The following AXIN2 variants were observed in gnomAD, a reference collection of about 807,000 sequenced individuals.
AXIN2 encodes axin 2.
In AXIN2, 21 loss-of-function variants were observed where a neutral mutation model predicts 74.7. That is an observed-to-expected ratio of 0.28 (90% CI 0.20 to 0.40). The LOEUF (loss-of-function observed/expected upper bound fraction) is 0.40. Ranked by LOEUF, AXIN2 falls within the 10% of genes least tolerant of loss-of-function variation. The probability of loss-of-function intolerance (pLI) is 1.00; values close to 1 mark genes in which losing one functional copy is unlikely to be tolerated. For missense variants in AXIN2, 1,144 were observed against 1,111.1 expected, an observed-to-expected ratio of 1.03 and a Z score of -0.42; for synonymous variants, 532 against 454.9, an observed-to-expected ratio of 1.17 and a Z score of -2.16.
rs1166843937 is a variant in AXIN2, at chr17:65,557,950, T to C, written c.671A>G (p.Tyr224Cys). ...CTCTTCTTCATTCAAGGTGGGGAGA[T>C]AGCCACACACGACCTTTAGGCTCCC... is the stretch of plus-strand genomic sequence containing the variant. ...GLGSLKVVCG[Y>C]LPTLNEEEEW... The change falls in exon 2 of 11, where the codon TAT (tyrosine) becomes TGT (cysteine). Residue 224 changes from tyrosine (Y) to cysteine (C), a missense_variant. Tyr to Cys is a radical substitution (Grantham distance 194, BLOSUM62 -2). Around this residue, in one of 4 missense-constraint regions of AXIN2, gnomAD observed 1,053 missense variants for 973.5 expected, o/e 1.08. Coordinates refer to ENST00000307078, the MANE Select transcript of AXIN2 (RefSeq NM_004655.4). 20 of 1,614,070 alleles carry C rather than the reference T, an allele frequency of 1.2e-5. No homozygotes were observed. The highest frequency in any genetic ancestry group is 1.5e-5 in the Non-Finnish European group (18 of 1,180,050).
At chr17:65,533,137 C>G (rs2043852252) in intron 10 of AXIN2, among the ~76,000 whole-genome samples, 1 of 152,176 alleles carries the variant, frequency 6.6e-6, no homozygotes, top group Non-Finnish European at 1.5e-5. Flanking sequence ...TCTCAAGGGC[C>G]CTAAAAAGTC....
rs763613779 is a variant in AXIN2, at chr17:65,534,017, G to T, written c.2300C>A (p.Thr767Asn). The T allele has an allele frequency of 6.2e-7, 1 of 1,614,264 alleles. No homozygotes were observed. Among genetic ancestry groups the T allele is most frequent in the South Asian group, 1.1e-5 (1 of 91,084 alleles). Reference protein sequence around the residue: ...HALQASELVVTYFFCGEEIPY... With the variant: ...HALQASELVVNYFFCGEEIPY... ...AATTTCTTCCCCACAGAAAAAGTAA[G>T]TGACAACCAACTCACTGGCCTGGAG... The change falls in exon 10 of 11, where the codon ACT (threonine) becomes AAT (asparagine). Residue 767 changes from threonine to asparagine, a missense_variant. Thr to Asn is a moderately conservative substitution (Grantham distance 65, BLOSUM62 0). Coordinates refer to ENST00000307078, the MANE Select transcript of AXIN2 (RefSeq NM_004655.4).
At chr17:65,543,152 T>A (rs1322153689) in intron 3 of AXIN2, among the ~76,000 whole-genome samples, 3 of 151,884 alleles carry the variant, frequency 2.0e-5, no homozygotes, top group African/African-American at 7.3e-5. Context: ...AGAAGAGAGA[T>A]CAGTATCCAG....
chr17:65,554,694 G>A (rs1260061517), intron 2 of AXIN2, among the ~76,000 whole-genome samples: 1 of 152,202 alleles, frequency 6.6e-6, no homozygotes, highest in African/African-American at 2.4e-5. Context: ...CCAGCAGAGG[G>A]CCATCTGCTG....
chr17:65,535,013 G>A (rs2144427462), intron 9 of AXIN2, among the ~76,000 whole-genome samples: 1 of 152,306 alleles, frequency 6.6e-6, no homozygotes, highest in African/African-American at 2.4e-5. Flanking sequence ...AAAGGGTCCA[G>A]GGCAGTGGCC....
intron 1 of AXIN2, among the ~76,000 whole-genome samples, chr17:65,558,990 G>A (rs1379927461): frequency 1.3e-5 from 2 of 152,038 alleles, no homozygotes; most frequent in East Asian, 3.9e-4. Flanking sequence ...AGGCGGGGAA[G>A]GTGAGAGGAA....
intron 3 of AXIN2, among the ~76,000 whole-genome samples, chr17:65,543,589 C>T (rs767460762): frequency 1.3e-5 from 2 of 152,174 alleles, no homozygotes; most frequent in Non-Finnish European, 2.9e-5. Flanking sequence ...AATAGCTCAC[C>T]TAGTGTTACA....
intron 3 of AXIN2, among the ~76,000 whole-genome samples, chr17:65,548,181 A>G (rs2044142964): frequency 6.6e-6 from 1 of 152,218 alleles, no homozygotes. Context: ...ACGTGTACTA[A>G]TGCCAAAATG....
intron 4 of AXIN2, among the ~76,000 whole-genome samples, chr17:65,540,431 A>G (rs1457068511): frequency 6.6e-6 from 1 of 152,214 alleles, no homozygotes; most frequent in African/African-American, 2.4e-5. Flanking sequence ...GTAGAGAAGC[A>G]TGGATCATCT....
intron 3 of AXIN2, 103 bp from the exon 4 acceptor site, chr17:65,541,660 C>T: frequency 1.1e-6 from 1 of 942,962 alleles, no homozygotes; most frequent in Admixed American, 1.8e-5. Context: ...CCGACAGGGC[C>T]ACATGCTTCC....
rs568275539 is a variant in AXIN2 at position 65,543,773 on chromosome 17, C to T, written c.957-2216G>A. ...CCATTTCCTAAGCCCCACGCAGTCA[C>T]CTGACATTGATAAGGCATGAGGGGG... On this transcript the variant is annotated intron_variant, in intron 3 of 10. Transcript: ENST00000307078. Among the ~76,000 whole-genome samples the T allele has an allele frequency of 8.5e-5, 13 of 152,312 alleles. No homozygotes were observed. The South Asian group carries it at 1.2e-3, about 15-fold the overall frequency.
At chr17:65,542,505 T>C (rs1250402156) in intron 3 of AXIN2, among the ~76,000 whole-genome samples, 1 of 152,208 alleles carries the variant, frequency 6.6e-6, no homozygotes, top group East Asian at 1.9e-4. Context: ...TTAAATTGGA[T>C]GTGGGTGTCA....
rs1441857871 is a variant in AXIN2, at chr17:65,537,775, G to A, written c.1261C>T (p.His421Tyr). 3.8e-6 allele frequency: 6 copies of A among 1,586,908 alleles called. No individual in the cohort carries two copies. The African/African-American group carries it at 5.4e-5, about 14-fold the overall frequency. The change falls in exon 6 of 11, where the codon CAC (histidine) becomes TAC (tyrosine). Residue 421 changes from histidine to tyrosine, a missense_variant. His to Tyr is a moderately conservative substitution (Grantham distance 83). This residue lies in a region of AXIN2 where 1,053 missense variants were observed against 973.5 expected (regional missense o/e 1.08). Transcript: ENST00000307078. ...LNSREGAPTQ[H>Y]PLSLLPSGSY... is the part of the protein sequence containing the mutation. ...CCGGAGGGCAGTAGGGAGAGGGGGTGCTGCGTGGGCGCCCCCTCCCGCGAA... is the reference window on the plus strand; with the variant it reads ...CCGGAGGGCAGTAGGGAGAGGGGGTACTGCGTGGGCGCCCCCTCCCGCGAA...
chr17:65,531,629 GACCTTTTACAT>G (rs2043819600), intron 10 of AXIN2, among the ~76,000 whole-genome samples: 1 of 152,026 alleles, frequency 6.6e-6, no homozygotes, highest in African/African-American at 2.4e-5. Flanking sequence ...AACACGCAGC[GACCTTTTACAT>G]AATTGCAACC....
chr17:65,549,899 G>A (rs545137603), intron 2 of AXIN2, among the ~76,000 whole-genome samples: 24 of 152,308 alleles, frequency 1.6e-4, no homozygotes, highest in African/African-American at 5.3e-4. Flanking sequence ...GGGTCTGCCA[G>A]GGCAGAGAGT....
At chr17:65,541,703 G>A (rs181615163) in intron 3 of AXIN2, 146 bp from the exon 4 acceptor site, 4 of 750,794 alleles carry the variant, frequency 5.3e-6, no homozygotes, top group East Asian at 2.6e-5. Context: ...GATACCATCG[G>A]TGCTCCCACA....
chr17:65,559,473 C>T (rs1422087754), intron 1 of AXIN2: 1 of 152,002 alleles, frequency 6.6e-6, no homozygotes, highest in Non-Finnish European at 1.5e-5. Flanking sequence ...CAGTCAACAC[C>T]TCTGTCTTCC....
intron 3 of AXIN2, among the ~76,000 whole-genome samples, chr17:65,546,946 G>A (rs2044127556): frequency 6.6e-6 from 1 of 152,274 alleles, no homozygotes. Flanking sequence ...GACTTGACCT[G>A]TTCTGTCTCT....
At chr17:65,532,290 G>A (rs916682649) in intron 10 of AXIN2, among the ~76,000 whole-genome samples, 2 of 151,910 alleles carry the variant, frequency 1.3e-5, no homozygotes, top group Non-Finnish European at 2.9e-5. Flanking sequence ...CTATGCCAGC[G>A]CCACATGGCT....
Sources: allele counts gnomAD v4.1 joint callset (sites outside exome capture counted in the v4.1 genomes callset), GRCh38; gene constraint gnomAD v4.1.1; regional missense constraint gnomAD v4.1.1; transcripts MANE v1.5; gene names NCBI Gene and HGNC (gene_info 2026-07-23, HGNC 2026-07-21).